TEK: variants seen among roughly 807,000 people sequenced by gnomAD.
TEK encodes TEK receptor tyrosine kinase, also known as angiopoietin-1 receptor.
Under a neutral mutation model 131.8 loss-of-function variants are expected in TEK, and 43 were observed. The ratio of observed to expected loss-of-function variants is 0.33; its 90% CI spans 0.26 to 0.42. The LOEUF is 0.42. Ranked by LOEUF, TEK falls within the 10% of genes least tolerant of loss-of-function variation. The probability of loss-of-function intolerance (pLI) is 1.00; values close to 1 mark genes in which losing one functional copy is unlikely to be tolerated. For synonymous variants in TEK, 580 were observed against 491.6 expected, an observed-to-expected ratio of 1.18 and a Z score of -2.38; for missense variants, 1,162 against 1,384.4, an observed-to-expected ratio of 0.84 and a Z score of 2.55.
intron 21 of TEK, among the ~76,000 whole-genome samples, chr9:27,221,072 C>T (rs1283312879): frequency 6.6e-6 from 1 of 152,190 alleles, no homozygotes; most frequent in Non-Finnish European, 1.5e-5. Context: ...GAGGACGCTC[C>T]AGCTTGGTGA....
chr9:27,146,720 ATT>A (rs34727945), intron 1 of TEK, among the ~76,000 whole-genome samples: 159 of 113,654 alleles, frequency 1.4e-3, no homozygotes, highest in Non-Finnish European at 2.0e-3. Flanking sequence ...TAAACATTCT[ATT>A]TTTTTTTTTT....
chr9:27,158,660 CTT>C (rs71492736), intron 2 of TEK, among the ~76,000 whole-genome samples: 118 of 136,358 alleles, frequency 8.7e-4, no homozygotes, highest in South Asian at 1.2e-3. Flanking sequence ...CTTTCTTTTC[CTT>C]TTTTTTTTTT....
At chr9:27,210,769 A>C (rs1825582342) in intron 16 of TEK, 1 of 152,220 alleles carries the variant, frequency 6.6e-6, no homozygotes. Flanking sequence ...CAACAACAAA[A>C]ATATATCCCT....
At chr9:27,142,472 G>A (rs927885113) in intron 1 of TEK, among the ~76,000 whole-genome samples, 5 of 152,342 alleles carry the variant, frequency 3.3e-5, no homozygotes, top group East Asian at 1.9e-4. Context: ...CTGTGAAAAC[G>A]GAAATGGGGA....
chr9:27,160,010 GTTTTTTTTTTTTT>G lies in TEK; in HGVS notation c.364+1886_364+1898del, dbSNP rs563961610. On this transcript the variant is annotated intron_variant, in intron 2 of 22. Coordinates refer to ENST00000380036, the MANE Select transcript of TEK (RefSeq NM_000459.5). ...ATAATGACATTGTCAGCTGTTTAGG[GTTTTTTTTTTTTT>G]TTTTTTTTTTTTTTTTTAAAGACAA... Among the ~76,000 whole-genome samples the G allele has an allele frequency of 3.0e-4, 25 of 84,342 alleles. No homozygotes were observed. The South Asian group carries it at 8.7e-3, about 29-fold the overall frequency. 55.3% of individuals were successfully genotyped at this position (84,342 alleles called of 152,430 possible).
chr9:27,155,471 G>A (rs1823298006), intron 1 of TEK, among the ~76,000 whole-genome samples: 1 of 152,154 alleles, frequency 6.6e-6, no homozygotes, highest in Non-Finnish European at 1.5e-5. Context: ...CTGCTTACAC[G>A]AAGACTTGAC....
At chr9:27,160,063 C>G (rs965679675) in intron 2 of TEK, among the ~76,000 whole-genome samples, 3 of 131,102 alleles carry the variant, frequency 2.3e-5, no homozygotes, top group Non-Finnish European at 4.6e-5. Context: ...CTTGCTGTTG[C>G]CCAGGCTGGA....
chr9:27,118,065 G>C (rs1440422011), intron 1 of TEK, among the ~76,000 whole-genome samples: 4 of 152,166 alleles, frequency 2.6e-5, no homozygotes, highest in Non-Finnish European at 5.9e-5. Flanking sequence ...TCTGGCTGCA[G>C]AGCCAAAGGG....
intron 1 of TEK, among the ~76,000 whole-genome samples, chr9:27,125,125 A>C (rs1031446610): frequency 6.6e-6 from 1 of 152,350 alleles, no homozygotes; most frequent in South Asian, 2.1e-4. Flanking sequence ...ACCCAGAGTC[A>C]GCAGTGCTTT....
chr9:27,207,237 G>A (rs186269240), intron 15 of TEK, among the ~76,000 whole-genome samples: 60 of 152,286 alleles, frequency 3.9e-4, no homozygotes, highest in Middle Eastern at 3.4e-3. Context: ...CTATCTTGTG[G>A]GTTTGGGGAC....
Position 27,131,105 on chromosome 9 carries a change from G to A in TEK, c.52+21463G>A, listed in dbSNP as rs78904000. The stretch of plus-strand genomic sequence containing the variant: ...AAGTGAAAAGGCTCAGTAATACATG[G>A]CTGAGGTTGGTGAAATGTTCACTCT... On this transcript the variant is annotated intron_variant, in intron 1 of 22. Coordinates refer to ENST00000380036, the MANE Select transcript of TEK (RefSeq NM_000459.5). Among the ~76,000 whole-genome samples the A allele has an allele frequency of 4.2e-3, 639 of 152,286 alleles. 3 individuals are homozygous for A. Among genetic ancestry groups the A allele is most frequent in the African/African-American group, 0.015 (609 of 41,570 alleles).
chr9:27,200,206 A>T (rs1401460354), intron 12 of TEK, among the ~76,000 whole-genome samples: 1 of 151,818 alleles, frequency 6.6e-6, no homozygotes, highest in African/African-American at 2.4e-5. Flanking sequence ...CCTTCCATTG[A>T]TCTGTTTGTT....
At chr9:27,210,693 A>G (rs578207333) in intron 16 of TEK, 3 of 152,256 alleles carry the variant, frequency 2.0e-5, no homozygotes, top group Non-Finnish European at 4.4e-5. Context: ...ATCTGGTTGC[A>G]GTTGGTCTTT....
At chr9:27,196,875 T>C (rs916098626) in intron 11 of TEK, among the ~76,000 whole-genome samples, 2 of 140,270 alleles carry the variant, frequency 1.4e-5, no homozygotes, top group Non-Finnish European at 1.6e-5. Context: ...TTTTATTTTT[T>C]ATTATACTTT....
intron 1 of TEK, among the ~76,000 whole-genome samples, chr9:27,113,240 T>G (rs1434638227): frequency 6.6e-6 from 1 of 152,330 alleles, no homozygotes; most frequent in Non-Finnish European, 1.5e-5. Flanking sequence ...AGGGTTGTGA[T>G]GAGAATCAAA....
intron 21 of TEK, among the ~76,000 whole-genome samples, chr9:27,222,180 GAAAAAATAAT>G (rs1416429513): frequency 6.6e-6 from 1 of 152,082 alleles, no homozygotes. Flanking sequence ...CAAGATTAGA[GAAAAAATAAT>G]GAAAAGGAAT....
At chr9:27,111,480 T>A (rs148395120) in intron 1 of TEK, among the ~76,000 whole-genome samples, 2 of 151,728 alleles carry the variant, frequency 1.3e-5, no homozygotes, top group Non-Finnish European at 2.9e-5. Flanking sequence ...TAAAGGTTTA[T>A]CTCTCTAGTC....
chr9:27,121,684 G>C (rs557214238), intron 1 of TEK, among the ~76,000 whole-genome samples: 4 of 151,836 alleles, frequency 2.6e-5, no homozygotes, highest in Non-Finnish European at 5.9e-5. Context: ...ATGAGGATAA[G>C]AAAAAAAGTT....
intron 2 of TEK, among the ~76,000 whole-genome samples, chr9:27,160,014 T>G (rs1028263710): frequency 2.0e-4 from 4 of 19,846 alleles, no homozygotes; most frequent in Admixed American, 9.1e-4. Context: ...TTTAGGGTTT[T>G]TTTTTTTTTT....
Sources: gnomAD v4.1 joint callset for allele counts (sites outside exome capture counted in the v4.1 genomes callset) on GRCh38, gnomAD v4.1.1 for gene constraint, MANE v1.5 for transcripts, NCBI Gene and HGNC (gene_info 2026-07-23, HGNC 2026-07-21) for gene names.